ASTN2: variants seen among roughly 807,000 people sequenced by gnomAD.
ASTN2 encodes astrotactin 2.
In ASTN2, 54 loss-of-function variants were observed where a neutral mutation model predicts 139.8. That is an observed-to-expected ratio of 0.39 (90% confidence interval 0.31 to 0.48). ASTN2 has a LOEUF of 0.48. Ranked by LOEUF, ASTN2 falls within the 20% of genes least tolerant of loss-of-function variation. The pLI is 0.95. For synonymous variants in ASTN2, 756 were observed against 719.5 expected (o/e 1.05, Z -0.81); for missense variants, 1,565 against 1,725.1 (o/e 0.91, Z 1.64).
intron 1 of ASTN2, among the ~76,000 whole-genome samples, chr9:117,320,561 T>G (rs1828294550): frequency 6.6e-6 from 1 of 152,032 alleles, no homozygotes; most frequent in Non-Finnish European, 1.5e-5. Flanking sequence ...AGTCACAGAG[T>G]TGAACTTCAT....
At chr9:116,494,597 A>T (rs1023769115) in intron 19 of ASTN2, among the ~76,000 whole-genome samples, 1 of 152,320 alleles carries the variant, frequency 6.6e-6, no homozygotes, top group African/African-American at 2.4e-5. Flanking sequence ...TAAAAATGTT[A>T]TTTGGCTTTT....
At chr9:116,700,079 C>T in intron 16 of ASTN2, 1 of 312,626 alleles carries the variant, frequency 3.2e-6, no homozygotes, top group Non-Finnish European at 6.4e-6. Context: ...TGCCCTTGAT[C>T]CATTGTTTCC....
At chr9:117,228,506 C>T (rs1401778682) in intron 2 of ASTN2, among the ~76,000 whole-genome samples, 1 of 151,942 alleles carries the variant, frequency 6.6e-6, no homozygotes, top group Non-Finnish European at 1.5e-5. Context: ...CAAGAAAACC[C>T]CTGGAAAGTT....
At chr9:117,280,788 A>G (rs1834306077) in intron 2 of ASTN2, among the ~76,000 whole-genome samples, 2 of 152,224 alleles carry the variant, frequency 1.3e-5, no homozygotes, top group African/African-American at 4.8e-5. Context: ...TCTCCACTGT[A>G]AAGTCACTAT....
At chr9:117,365,311 GAAAA>G (rs199814563) in intron 1 of ASTN2, among the ~76,000 whole-genome samples, 8 of 146,216 alleles carry the variant, frequency 5.5e-5, no homozygotes, top group South Asian at 2.2e-4. Context: ...AAGAAAGAAA[GAAAA>G]AGAAAGAAAG....
chr9:116,574,213 G>C (rs1365717052), intron 19 of ASTN2, among the ~76,000 whole-genome samples: 1 of 152,160 alleles, frequency 6.6e-6, no homozygotes. Flanking sequence ...AACAGCCATA[G>C]ATAATATGTA....
At chr9:116,756,528 A>G (rs1270938470) in intron 13 of ASTN2, among the ~76,000 whole-genome samples, 3 of 152,092 alleles carry the variant, frequency 2.0e-5, no homozygotes, top group African/African-American at 7.2e-5. Context: ...AGTCTAACAG[A>G]TTTCCATTTC....
At chr9:116,989,081 A>G (rs1836766677) in intron 7 of ASTN2, among the ~76,000 whole-genome samples, 1 of 152,218 alleles carries the variant, frequency 6.6e-6, no homozygotes, top group Non-Finnish European at 1.5e-5. Flanking sequence ...TTAAGCCAAG[A>G]GTAATTATTC....
intron 6 of ASTN2, among the ~76,000 whole-genome samples, chr9:117,016,643 TA>T (rs1837703117): frequency 1.0e-5 from 1 of 98,210 alleles, no homozygotes; most frequent in African/African-American, 4.6e-5. Flanking sequence ...TATATATATA[TA>T]TATATATATA....
At chr9:116,741,777 C>A (rs143914983) in intron 13 of ASTN2, among the ~76,000 whole-genome samples, 1 of 152,332 alleles carries the variant, frequency 6.6e-6, no homozygotes, top group East Asian at 1.9e-4. Flanking sequence ...TTGATGCTAA[C>A]ACTGGTTGGT....
chr9:117,290,125 C>G (rs1240946540), intron 2 of ASTN2, among the ~76,000 whole-genome samples: 1 of 152,116 alleles, frequency 6.6e-6, no homozygotes, highest in African/African-American at 2.4e-5. Flanking sequence ...TGGCTTTATG[C>G]CAATCACTTC....
At chr9:116,668,065 C>T (rs1300108358) in intron 16 of ASTN2, among the ~76,000 whole-genome samples, 1 of 152,106 alleles carries the variant, frequency 6.6e-6, no homozygotes, top group East Asian at 1.9e-4. Flanking sequence ...TGTGCTCCAC[C>T]TATTCATCCA....
chr9:117,331,936 A>G (rs1160057317), intron 1 of ASTN2, among the ~76,000 whole-genome samples: 1 of 151,932 alleles, frequency 6.6e-6, no homozygotes, highest in East Asian at 1.9e-4. Context: ...ACCCCATTTA[A>G]TTTTCACACA....
chr9:117,200,996 C>CTT (rs777675838), intron 3 of ASTN2, among the ~76,000 whole-genome samples: 4,383 of 94,812 alleles, frequency 0.046, 422 homozygotes, highest in African/African-American at 0.14. Flanking sequence ...TGGTCCTGGG[C>CTT]TTTTTTTTTT....
chr9:117,080,036 A>G (rs906994300), intron 5 of ASTN2, among the ~76,000 whole-genome samples: 4 of 120,024 alleles, frequency 3.3e-5, no homozygotes, highest in African/African-American at 1.3e-4. Context: ...CCGCGAGGAC[A>G]CATAACTATG....
intron 5 of ASTN2, among the ~76,000 whole-genome samples, chr9:117,051,339 T>C (rs924074487): frequency 2.6e-5 from 4 of 152,350 alleles, no homozygotes; most frequent in Middle Eastern, 3.4e-3. Flanking sequence ...CATAAAAGCT[T>C]GCTAGTTCCT....
chr9:116,505,237 C>A (rs993963465), intron 19 of ASTN2, among the ~76,000 whole-genome samples: 2 of 151,654 alleles, frequency 1.3e-5, no homozygotes, highest in Non-Finnish European at 2.9e-5. Context: ...TTCCTTTAAT[C>A]GCTTTGAGGC....
intron 10 of ASTN2, among the ~76,000 whole-genome samples, chr9:116,950,108 G>T (rs1212712077): frequency 6.6e-6 from 1 of 152,154 alleles, no homozygotes; most frequent in African/African-American, 2.4e-5. Context: ...AAGAGGCCAA[G>T]CTTTCTCAAT....
chr9:117,391,639 CT>C (rs1259505477), intron 1 of ASTN2, among the ~76,000 whole-genome samples: 6 of 152,106 alleles, frequency 3.9e-5, no homozygotes, highest in South Asian at 2.1e-4. Flanking sequence ...CATTTCGCCC[CT>C]GGCCCCTCCC....
Sources: gnomAD v4.1 joint callset for allele counts (sites outside exome capture counted in the v4.1 genomes callset) on GRCh38, gnomAD v4.1.1 for gene constraint, MANE v1.5 for transcripts, NCBI Gene and HGNC (gene_info 2026-07-23, HGNC 2026-07-21) for gene names.